The following NCOA1 variants were observed in gnomAD, a reference collection of about 807,000 sequenced individuals.
NCOA1 encodes the protein nuclear receptor coactivator 1, also known as Hin-2 protein.
In NCOA1, 35 loss-of-function variants were observed where a neutral mutation model predicts 150.9. The observed-to-expected ratio is 0.23, with a 90% CI of 0.18 to 0.31. The LOEUF is 0.31. Ranked by LOEUF, NCOA1 falls within the 10% of genes least tolerant of loss-of-function variation. NCOA1 has a pLI of 1.00. For synonymous variants in NCOA1, 590 were observed against 630.0 expected (o/e 0.94, Z 0.95); for missense variants, 1,491 against 1,749.3 (o/e 0.85, Z 2.63).
At chr2:24,590,594 T>C (rs141259063) in intron 3 of NCOA1, among the ~76,000 whole-genome samples, 159 of 152,262 alleles carry the variant, frequency 1.0e-3, no homozygotes, top group African/African-American at 3.7e-3. Context: ...TTCTTTTTAG[T>C]TTTTAAGAGT....
At chr2:24,625,206 A>C (rs1015156004) in intron 3 of NCOA1, among the ~76,000 whole-genome samples, 3 of 151,692 alleles carry the variant, frequency 2.0e-5, no homozygotes, top group Admixed American at 6.6e-5. Flanking sequence ...AACCATTTAA[A>C]TATGTAAAAA....
intron 1 of NCOA1, among the ~76,000 whole-genome samples, chr2:24,532,006 G>C (rs1404889132): frequency 6.6e-6 from 1 of 152,136 alleles, no homozygotes; most frequent in African/African-American, 2.4e-5. Flanking sequence ...GGTATTTCTA[G>C]TTCTAGATCC....
intron 3 of NCOA1, among the ~76,000 whole-genome samples, chr2:24,587,184 C>T (rs185304970): frequency 3.3e-5 from 5 of 152,160 alleles, no homozygotes; most frequent in African/African-American, 7.2e-5. Context: ...GTTTTACACC[C>T]ACTAGAAAGA....
In NCOA1 at chr2:24,704,981, G is replaced by T. The variant is rs534429866; in HGVS notation, c.950-105G>T. ...TCTGAGTCTAAGCAGGCAACAGTTGGGAGGGCCTTTAAAATGAGGTTCTAA... is the reference window on the plus strand; with the variant it reads ...TCTGAGTCTAAGCAGGCAACAGTTGTGAGGGCCTTTAAAATGAGGTTCTAA... On this transcript the variant is annotated intron_variant, in intron 11 of 22. Coordinates refer to ENST00000348332, the MANE Select transcript of NCOA1 (RefSeq NM_003743.5). The T allele has an allele frequency of 6.0e-5, 71 of 1,175,242 alleles. No individual in the cohort carries two copies. In the South Asian group the frequency reaches 1.0e-3, roughly 17 times the overall value. The allele number at this position is 1,175,242 out of a possible 1,614,324, so 72.8% of individuals were successfully genotyped here. A position where few individuals can be genotyped will look rare whatever the true frequency, so the allele number is the denominator to read the frequency against.
At chr2:24,740,565 C>T (rs1663553404) in intron 18 of NCOA1, among the ~76,000 whole-genome samples, 1 of 152,186 alleles carries the variant, frequency 6.6e-6, no homozygotes, top group East Asian at 1.9e-4. Flanking sequence ...TTGTGTGCAA[C>T]TGAAATGTCT....
At chr2:24,728,175 C>T in intron 15 of NCOA1, 133 bp from the exon 16 acceptor site, 1 of 608,094 alleles carries the variant, frequency 1.6e-6, no homozygotes, top group Non-Finnish European at 2.7e-6. Flanking sequence ...TAGAACATTC[C>T]ATGGCATTAG....
intron 2 of NCOA1, among the ~76,000 whole-genome samples, chr2:24,570,532 C>G (rs1666702323): frequency 6.7e-6 from 1 of 150,136 alleles, no homozygotes; most frequent in Admixed American, 6.8e-5. Flanking sequence ...CAAATAGTTG[C>G]TGAGAGGAAG....
At chr2:24,547,642 G>A (rs1252602431) in intron 1 of NCOA1, among the ~76,000 whole-genome samples, 1 of 152,080 alleles carries the variant, frequency 6.6e-6, no homozygotes, top group Non-Finnish European at 1.5e-5. Flanking sequence ...TGCATAATCA[G>A]TGAGGGGCTG....
intron 15 of NCOA1, among the ~76,000 whole-genome samples, chr2:24,727,499 G>A (rs56252501): frequency 6.6e-5 from 10 of 152,024 alleles, no homozygotes; most frequent in Admixed American, 2.6e-4. Flanking sequence ...CTTACTCCCC[G>A]CAGGCAGCCA....
chr2:24,515,097 T>C (rs180725001), intron 1 of NCOA1, among the ~76,000 whole-genome samples: 31 of 152,254 alleles, frequency 2.0e-4, no homozygotes, highest in Middle Eastern at 3.2e-3. Flanking sequence ...AAAGAACTTA[T>C]CTAAAAAAGA....
At chr2:24,513,325 A>G (rs550638862) in intron 1 of NCOA1, among the ~76,000 whole-genome samples, 1 of 152,322 alleles carries the variant, frequency 6.6e-6, no homozygotes, top group South Asian at 2.1e-4. Context: ...TGTTATCTAT[A>G]TATAATGTAA....
chr2:24,731,287 CTT>C (rs1662997979), intron 17 of NCOA1, among the ~76,000 whole-genome samples: 1 of 152,158 alleles, frequency 6.6e-6, no homozygotes, highest in South Asian at 2.1e-4. Flanking sequence ...CAGTTCCAAA[CTT>C]AAGTGGGTTG....
At chr2:24,530,021 G>A (rs1216356006) in intron 1 of NCOA1, among the ~76,000 whole-genome samples, 3 of 152,070 alleles carry the variant, frequency 2.0e-5, no homozygotes, top group African/African-American at 7.2e-5. Flanking sequence ...CTTAGAAATA[G>A]CATTTTATTA....
chr2:24,675,205 A>G (rs1305950312), intron 7 of NCOA1, among the ~76,000 whole-genome samples: 5 of 152,210 alleles, frequency 3.3e-5, no homozygotes, highest in African/African-American at 9.7e-5. Flanking sequence ...TGTGAATTAC[A>G]TATATGAAAT....
chr2:24,513,744 T>A (rs1572367808), intron 1 of NCOA1, among the ~76,000 whole-genome samples: 1 of 152,232 alleles, frequency 6.6e-6, no homozygotes, highest in East Asian at 1.9e-4. Flanking sequence ...GTGAGAGTTT[T>A]ACATTCCTCA....
At chr2:24,522,354 C>G (rs1006923908) in intron 1 of NCOA1, among the ~76,000 whole-genome samples, 5 of 152,152 alleles carry the variant, frequency 3.3e-5, no homozygotes, top group Non-Finnish European at 7.3e-5. Flanking sequence ...TAGAGTCATT[C>G]ATTCAGCAAG....
chr2:24,641,376 A>ATTT (rs1337253220), intron 3 of NCOA1, among the ~76,000 whole-genome samples: 13 of 151,858 alleles, frequency 8.6e-5, no homozygotes, highest in African/African-American at 3.1e-4. Context: ...AAGAATAAAA[A>ATTT]GAATAAATAC....
intron 7 of NCOA1, among the ~76,000 whole-genome samples, chr2:24,681,364 A>G (rs910523506): frequency 3.3e-5 from 5 of 152,202 alleles, no homozygotes; most frequent in Non-Finnish European, 7.3e-5. Flanking sequence ...AAAAAGGGCC[A>G]AAGCCCACTG....
chr2:24,722,766 A>G (rs1270225481), intron 14 of NCOA1, among the ~76,000 whole-genome samples: 1 of 152,108 alleles, frequency 6.6e-6, no homozygotes. Flanking sequence ...CAACATTTTC[A>G]GTACCTAAAA....
Sources: gnomAD v4.1 joint callset for allele counts (sites outside exome capture counted in the v4.1 genomes callset) on GRCh38, gnomAD v4.1.1 for gene constraint, MANE v1.5 for transcripts, NCBI Gene and HGNC (gene_info 2026-07-23, HGNC 2026-07-21) for gene names.